SV2C: variants seen among roughly 807,000 people sequenced by gnomAD.
SV2C encodes solute carrier family 22 member B3.
SV2C carries 49 observed loss-of-function variants against 79.7 expected under a neutral mutation model. The observed-to-expected ratio is 0.61, with a 90% CI of 0.49 to 0.78. The LOEUF is 0.78. Among genes scored for constraint, SV2C ranks in the 30% least tolerant of loss-of-function variants. SV2C has a pLI of 0.00. For missense variants in SV2C, 833 were observed against 912.9 expected, an observed-to-expected ratio of 0.91 and a Z score of 1.13; for synonymous variants, 334 against 333.2, an observed-to-expected ratio of 1.00 and a Z score of -0.03.
At chr5:76,036,030 G>C in the SV2C span, among the ~76,000 whole-genome samples, 10 of 152,088 alleles carry the variant, frequency 6.6e-5, no homozygotes, top group East Asian at 1.5e-3. Context: ...ATCTTTGTTG[G>C]TTTAAAGTCT....
At chr5:76,146,523 C>T (rs956529964) in intron 2 of SV2C, among the ~76,000 whole-genome samples, 2 of 152,076 alleles carry the variant, frequency 1.3e-5, no homozygotes, top group African/African-American at 2.4e-5. Flanking sequence ...AGGTCACTCT[C>T]GTCACCATCT....
rs1297175407 is a variant in SV2C, at chr5:76,237,813, TTTA to T, written c.913+27928_913+27930del. Among the ~76,000 whole-genome samples, 16 of 152,284 alleles carry T rather than the reference TTTA, an allele frequency of 1.1e-4. No individual in the cohort carries two copies. In the East Asian group the frequency reaches 2.9e-3, roughly 28 times the overall value. ...CTGATGCCTTTATGATTCCCTTGGC[TTTA>T]TATATGACCTGTATTTTCTGTGAGT... On this transcript the variant is annotated intron_variant, in intron 4 of 12. Coordinates refer to ENST00000502798, the MANE Select transcript of SV2C (RefSeq NM_014979.4).
chr5:76,223,157 C>A (rs997728763), intron 4 of SV2C, among the ~76,000 whole-genome samples: 2 of 151,992 alleles, frequency 1.3e-5, no homozygotes, highest in African/African-American at 4.8e-5. Flanking sequence ...ATGAGAAAAA[C>A]CAGTTGCATG....
the SV2C span, among the ~76,000 whole-genome samples, chr5:76,008,957 CTCT>C: frequency 2.0e-5 from 3 of 152,058 alleles, no homozygotes; most frequent in Admixed American, 2.0e-4. Flanking sequence ...GGATTCTTCC[CTCT>C]GCTTAGAACG....
the SV2C span, among the ~76,000 whole-genome samples, chr5:75,848,147 G>A: frequency 6.6e-6 from 1 of 152,230 alleles, no homozygotes; most frequent in South Asian, 2.1e-4. Context: ...ATTGGTGTGA[G>A]AAGGTCTTCA....
At chr5:76,301,707 G>A (rs1239687019) in intron 12 of SV2C, among the ~76,000 whole-genome samples, 162 bp downstream of exon 12, 14 of 151,968 alleles carry the variant, frequency 9.2e-5, no homozygotes, top group Admixed American at 8.5e-4. Flanking sequence ...TCAGGAGTTC[G>A]AGACCAGCCT....
the SV2C span, among the ~76,000 whole-genome samples, chr5:75,882,237 G>A: frequency 0.12 from 18,036 of 149,930 alleles, 1,285 homozygotes; most frequent in African/African-American, 0.21. Context: ...AATGTTCATC[G>A]AGGAAATAAA....
At chr5:76,034,175 A>G in the SV2C span, among the ~76,000 whole-genome samples, 3 of 151,558 alleles carry the variant, frequency 2.0e-5, no homozygotes, top group Non-Finnish European at 4.4e-5. Flanking sequence ...TTCTAGATAT[A>G]CAATCATGTC....
the SV2C span, among the ~76,000 whole-genome samples, chr5:75,874,562 C>T: frequency 6.6e-6 from 1 of 152,094 alleles, no homozygotes; most frequent in Non-Finnish European, 1.5e-5. Context: ...CCAGAGCAAT[C>T]AGGCAAGGGA....
At chr5:75,912,176 A>G in the SV2C span, among the ~76,000 whole-genome samples, 6 of 141,076 alleles carry the variant, frequency 4.3e-5, no homozygotes, top group East Asian at 1.5e-3. Context: ...AAAAAGCAAA[A>G]GCATCTATAG....
chr5:76,070,737 G>C, the SV2C span, among the ~76,000 whole-genome samples: 1 of 152,282 alleles, frequency 6.6e-6, no homozygotes, highest in Admixed American at 6.5e-5. Context: ...TACCTATCAA[G>C]GAAATCTCTT....
chr5:76,022,462 C>T, the SV2C span, among the ~76,000 whole-genome samples: 10 of 152,242 alleles, frequency 6.6e-5, no homozygotes, highest in East Asian at 1.9e-3. Context: ...ATATTAATTC[C>T]TCTCTCTCTC....
At chr5:75,898,108 G>A in the SV2C span, among the ~76,000 whole-genome samples, 12 of 152,096 alleles carry the variant, frequency 7.9e-5, no homozygotes, top group Admixed American at 6.5e-4. Flanking sequence ...ACACTATGTT[G>A]AATAGGAGTA....
intron 2 of SV2C, among the ~76,000 whole-genome samples, chr5:76,147,427 ACAGGAAT>A (rs1749472594): frequency 6.6e-6 from 1 of 152,110 alleles, no homozygotes; most frequent in Non-Finnish European, 1.5e-5. Flanking sequence ...TTGAAGTTTC[ACAGGAAT>A]CAGGATGCAT....
chr5:76,052,649 ACAT>A, the SV2C span, among the ~76,000 whole-genome samples: 2 of 152,190 alleles, frequency 1.3e-5, no homozygotes, highest in Admixed American at 1.3e-4. Context: ...TGTGCCCAAC[ACAT>A]CATGCTGCTG....
intron 1 of SV2C, among the ~76,000 whole-genome samples, chr5:76,112,250 A>G (rs1748117524): frequency 6.6e-6 from 1 of 152,226 alleles, no homozygotes; most frequent in African/African-American, 2.4e-5. Context: ...GGATCAGGGC[A>G]TGGTGATGTG....
In SV2C at chr5:76,132,120, G is replaced by C. The variant is rs1176131171; in HGVS notation, c.370G>C (p.Glu124Gln). 1.2e-6 allele frequency: 2 copies of C among 1,613,952 alleles called. No individual in the cohort carries two copies. The highest frequency in any genetic ancestry group is 2.2e-5 in the East Asian group (1 of 44,878). Residue 124 changes from glutamate to glutamine, a missense_variant, in exon 2 of 13, where the codon GAA becomes CAA. Glu to Gln is a conservative substitution (Grantham distance 29). Coordinates refer to ENST00000502798, the MANE Select transcript of SV2C (RefSeq NM_014979.4). ...GDEYKDRRELESERRADEEEL... is the reference protein window; with the variant it reads ...GDEYKDRRELQSERRADEEEL... ...TGAGTACAAGGACCGGCGGGAGCTG[G>C]AATCAGAAAGGAGAGCTGACGAGGA...
the SV2C span, among the ~76,000 whole-genome samples, chr5:76,076,965 A>G: frequency 6.6e-6 from 1 of 152,154 alleles, no homozygotes; most frequent in South Asian, 2.1e-4. Flanking sequence ...TAAAAAGGCA[A>G]CGAAAACCTA....
At chr5:76,252,654 T>G (rs1198348162) in intron 4 of SV2C, among the ~76,000 whole-genome samples, 1 of 152,236 alleles carries the variant, frequency 6.6e-6, no homozygotes, top group Non-Finnish European at 1.5e-5. Flanking sequence ...TAAATCCTTT[T>G]GTGGTCAGGT....
Sources: allele counts gnomAD v4.1 joint callset (sites outside exome capture counted in the v4.1 genomes callset), GRCh38; gene constraint gnomAD v4.1.1; transcripts MANE v1.5; gene names NCBI Gene and HGNC (gene_info 2026-07-23, HGNC 2026-07-21).